The following CNTNAP4 variants were observed in gnomAD, a reference collection of about 807,000 sequenced individuals.
CNTNAP4 encodes the protein contactin-associated protein-like 4.
CNTNAP4 carries 98 observed loss-of-function variants against 148.4 expected under a neutral mutation model. The ratio of observed to expected loss-of-function variants is 0.66; its 90% confidence interval spans 0.56 to 0.78. The LOEUF (loss-of-function observed/expected upper bound fraction) is 0.78. Ranked by LOEUF, CNTNAP4 falls within the 30% of genes least tolerant of loss-of-function variation. CNTNAP4 has a pLI of 0.00. For missense variants in CNTNAP4, 1,935 were observed against 1,565.6 expected, an observed-to-expected ratio of 1.24 and a Z score of -3.98; for synonymous variants, 730 against 565.1, an observed-to-expected ratio of 1.29 and a Z score of -4.14.
chr16:76,376,549 GGTGTGA>G (rs1213754425), intron 3 of CNTNAP4, among the ~76,000 whole-genome samples: 1 of 152,204 alleles, frequency 6.6e-6, no homozygotes, highest in African/African-American at 2.4e-5. Flanking sequence ...CAAAGAGGGA[GGTGTGA>G]GAATGGTACC....
chr16:76,429,522 A>G (rs895267545), intron 4 of CNTNAP4, among the ~76,000 whole-genome samples: 4 of 152,200 alleles, frequency 2.6e-5, no homozygotes, highest in African/African-American at 9.6e-5. Context: ...CAATTTGTTC[A>G]GTACCACACC....
In CNTNAP4 at chr16:76,554,246, C is replaced by T. The variant is rs149002150; in HGVS notation, c.3733+339C>T. 9.9e-5 allele frequency among the ~76,000 whole-genome samples: 15 copies of T among 152,212 alleles called. 1 individual carries two copies. The highest frequency in any genetic ancestry group is 1.8e-4 in the Non-Finnish European group (12 of 67,992). ...ATTGTGAATATATTTGAGTAAATTT[C>T]GTTTTTCTTCACTTCTTGGACATAT... On this transcript the variant is annotated intron_variant, in intron 23 of 23. Coordinates refer to ENST00000611870, the MANE Select transcript of CNTNAP4 (RefSeq NM_033401.5).
intron 2 of CNTNAP4, among the ~76,000 whole-genome samples, chr16:76,320,183 G>A (rs1213076337): frequency 6.6e-6 from 1 of 152,162 alleles, no homozygotes; most frequent in Admixed American, 6.5e-5. Flanking sequence ...AGCAATCCTT[G>A]TTAAAAAGTG....
chr16:76,317,220 T>G lies in CNTNAP4; in HGVS notation c.196+697T>G, dbSNP rs548737525. ...GTGAGCTATGATTGTGCCACTGAACTAGAGCCTGGGCGACAAAGTGAGACC... is the reference window on the plus strand; with the variant it reads ...GTGAGCTATGATTGTGCCACTGAACGAGAGCCTGGGCGACAAAGTGAGACC... On this transcript the variant is annotated intron_variant, in intron 2 of 23. Coordinates refer to ENST00000611870, the MANE Select transcript of CNTNAP4 (RefSeq NM_033401.5). Among the ~76,000 whole-genome samples, 3 of 124,010 alleles carry G rather than the reference T, an allele frequency of 2.4e-5. No homozygotes were observed. In the East Asian group the frequency reaches 7.1e-4, roughly 29 times the overall value. The allele number at this position is 124,010 out of a possible 152,430, so 81.4% of individuals were successfully genotyped here.
chr16:76,446,836 C>T (rs1383378788), intron 4 of CNTNAP4, among the ~76,000 whole-genome samples: 1 of 152,124 alleles, frequency 6.6e-6, no homozygotes, highest in Non-Finnish European at 1.5e-5. Context: ...CGTTAACATA[C>T]TGTATGGATG....
chr16:76,538,490 A>G (rs971861283), intron 19 of CNTNAP4, 150 bp downstream of exon 19: 4 of 560,530 alleles, frequency 7.1e-6, no homozygotes, highest in South Asian at 2.5e-5. Flanking sequence ...GTACTATCCT[A>G]TAAGTATAAT....
chr16:76,462,706 G>A (rs1319146079), intron 9 of CNTNAP4, among the ~76,000 whole-genome samples: 1 of 152,098 alleles, frequency 6.6e-6, no homozygotes, highest in Admixed American at 6.6e-5. Context: ...TAAAAGCCTG[G>A]AAAAGAAAAC....
intron 1 of CNTNAP4, among the ~76,000 whole-genome samples, chr16:76,313,755 G>A (rs1034910465): frequency 6.6e-6 from 1 of 152,160 alleles, no homozygotes; most frequent in Non-Finnish European, 1.5e-5. Flanking sequence ...TTAGGTTCAT[G>A]TATAATAAAC....
At chr16:76,291,785 T>A (rs554024537) in intron 1 of CNTNAP4, among the ~76,000 whole-genome samples, 3 of 152,324 alleles carry the variant, frequency 2.0e-5, no homozygotes, top group Non-Finnish European at 2.9e-5. Context: ...TTAAAATTTA[T>A]CATCTAATTT....
At chr16:76,478,150 T>C (rs2081660008) in intron 11 of CNTNAP4, among the ~76,000 whole-genome samples, 1 of 152,102 alleles carries the variant, frequency 6.6e-6, no homozygotes, top group Admixed American at 6.6e-5. Flanking sequence ...ACAGTCATGT[T>C]ATAAAAAGTC....
At chr16:76,499,712 C>T (rs1057496053) in intron 15 of CNTNAP4, among the ~76,000 whole-genome samples, 3 of 149,788 alleles carry the variant, frequency 2.0e-5, no homozygotes, top group Admixed American at 1.3e-4. Context: ...TGCTGCCTTC[C>T]GCAGTGTTTG....
At chr16:76,358,085 G>T (rs550629235) in intron 3 of CNTNAP4, among the ~76,000 whole-genome samples, 312 of 152,304 alleles carry the variant, frequency 2.0e-3, no homozygotes, top group African/African-American at 6.8e-3. Context: ...TGTAATCCCA[G>T]GGCTTTGGGA....
At position 76,467,376 on chromosome 16, in the gene CNTNAP4, C is replaced by G. The variant is rs2081210115; in HGVS notation, c.1508C>G (p.Ser503Cys). The change falls in exon 10 of 24, where the codon TCC (serine) becomes TGC (cysteine). Residue 503 changes from serine (S) to cysteine (C), a missense_variant. Transcript: ENST00000611870. ...FGGCPDKSFG[S>C]KCKSPLGGFQ... Reference sequence around the variant, plus strand: ...GGTTGTCCTGACAAAAGCTTTGGATCCAAATGTAAAAGTCCACTTGGTGGA... The same window carrying G: ...GGTTGTCCTGACAAAAGCTTTGGATGCAAATGTAAAAGTCCACTTGGTGGA... 1.1e-5 allele frequency: 17 copies of G among 1,613,770 alleles called. No individual in the cohort carries two copies. Among genetic ancestry groups the G allele is most frequent in the Non-Finnish European group, 1.4e-5 (16 of 1,179,812 alleles).
chr16:76,347,390 C>T (rs1265270440), intron 2 of CNTNAP4, among the ~76,000 whole-genome samples: 1 of 152,108 alleles, frequency 6.6e-6, no homozygotes, highest in African/African-American at 2.4e-5. Context: ...GTGCTAGACA[C>T]TTGGGGTCTA....
intron 4 of CNTNAP4, 51 bp downstream of exon 4, chr16:76,427,650 T>G: frequency 6.8e-7 from 1 of 1,475,550 alleles, no homozygotes; most frequent in Non-Finnish European, 9.1e-7. Context: ...AAGAGATGTT[T>G]TAAAAGCCAA....
intron 15 of CNTNAP4, among the ~76,000 whole-genome samples, chr16:76,500,025 G>A (rs1384398276): frequency 1.3e-5 from 2 of 151,794 alleles, no homozygotes; most frequent in Non-Finnish European, 2.9e-5. Flanking sequence ...TTTTCTATTC[G>A]ACAAAACCGC....
intron 13 of CNTNAP4, among the ~76,000 whole-genome samples, chr16:76,490,365 C>G (rs969650527): frequency 6.6e-6 from 1 of 152,180 alleles, no homozygotes; most frequent in Non-Finnish European, 1.5e-5. Flanking sequence ...ACAGTTGATT[C>G]ACTAGTTCAA....
chr16:76,494,954 C>G lies in CNTNAP4; in HGVS notation c.2125C>G (p.Gln709Glu). Reference sequence around the variant, plus strand: ...GTGGGTAGGAAGAACCAATGAAACGCAAACCTACTGGGGAGGTTCTTCGCC... The same window carrying G: ...GTGGGTAGGAAGAACCAATGAAACGGAAACCTACTGGGGAGGTTCTTCGCC... ...SWWVGRTNETQTYWGGSSPDL... is the reference protein window; with the variant it reads ...SWWVGRTNETETYWGGSSPDL... The change falls in exon 14 of 24, where the codon CAA becomes GAA. Residue 709 changes from glutamine (Q) to glutamate (E), a missense_variant. Physicochemically the swap from Gln to Glu is conservative, Grantham distance 29 (BLOSUM62 2). Coordinates refer to ENST00000611870, the MANE Select transcript of CNTNAP4 (RefSeq NM_033401.5). 6.2e-7 allele frequency: 1 copy of G among 1,613,558 alleles called. No individual in the cohort carries two copies. Among genetic ancestry groups the G allele is most frequent in the Non-Finnish European group, 8.5e-7 (1 of 1,179,578 alleles).
chr16:76,364,773 A>G (rs114003987), intron 3 of CNTNAP4, among the ~76,000 whole-genome samples: 1,844 of 152,316 alleles, frequency 0.012, 38 homozygotes, highest in African/African-American at 0.037. Flanking sequence ...TTTATTAAGT[A>G]TATTTTAAAT....
Sources: gnomAD v4.1 joint callset for allele counts (sites outside exome capture counted in the v4.1 genomes callset) on GRCh38, gnomAD v4.1.1 for gene constraint, MANE v1.5 for transcripts, NCBI Gene and HGNC (gene_info 2026-07-23, HGNC 2026-07-21) for gene names.